RC3H1: variants seen among roughly 807,000 people sequenced by gnomAD.
RC3H1 encodes ring finger and CCCH-type domains 1.
In RC3H1, 50 loss-of-function variants were observed where a neutral mutation model predicts 138.2. The ratio of observed to expected loss-of-function variants is 0.36; its 90% CI spans 0.29 to 0.46. RC3H1 has a LOEUF of 0.46. RC3H1 is among the 20% of genes least tolerant of loss of function. The pLI, the probability that RC3H1 is intolerant of heterozygous loss-of-function variation, is 1.00. For missense variants in RC3H1, 1,031 were observed against 1,388.1 expected (o/e 0.74, Z 4.09); for synonymous variants, 462 against 489.1 (o/e 0.94, Z 0.73).
intron 1 of RC3H1, among the ~76,000 whole-genome samples, chr1:173,994,162 C>T (rs1049254584): frequency 6.6e-6 from 1 of 151,496 alleles, no homozygotes; most frequent in South Asian, 2.1e-4. Context: ...GAGGCTGAGG[C>T]GGGTGGGTCA....
At chr1:174,017,004 AC>A (rs1202215808) in intron 1 of RC3H1, among the ~76,000 whole-genome samples, 1 of 152,230 alleles carries the variant, frequency 6.6e-6, no homozygotes, top group East Asian at 1.9e-4. Flanking sequence ...CACTTATTCA[AC>A]AAGGGATTAA....
chr1:174,020,958 G>A lies in RC3H1; in HGVS notation c.-151+1138C>T, dbSNP rs142567136. 7.5e-3 allele frequency among the ~76,000 whole-genome samples: 1,145 copies of A among 152,264 alleles called. 17 individuals carry two copies. Among genetic ancestry groups the A allele is most frequent in the African/African-American group, 0.027 (1,103 of 41,538 alleles). On this transcript the variant is annotated intron_variant, in intron 1 of 19. Coordinates refer to ENST00000367696, the MANE Select transcript of RC3H1 (RefSeq NM_172071.4). ...CGGGAGGTGGAGGCTGTAGTGAGCC[G>A]AGATTGTGCCACTGCAATCCAGCCT...
chr1:174,016,628 T>C (rs998234387), intron 1 of RC3H1, among the ~76,000 whole-genome samples: 3 of 151,590 alleles, frequency 2.0e-5, no homozygotes, highest in Non-Finnish European at 4.4e-5. Context: ...GGGAGATTAA[T>C]AACAAAATTT....
At position 173,965,076 on chromosome 1, in the gene RC3H1, C is replaced by T. The variant is rs1557932474; in HGVS notation, c.1379G>A (p.Ser460Asn). 3 of 1,614,062 alleles carry T rather than the reference C, an allele frequency of 1.9e-6. No homozygotes were observed. Among genetic ancestry groups the T allele is most frequent in the African/African-American group, 1.3e-5 (1 of 74,946 alleles). ...NKRLVPRRPL[S>N]ASLGQLNEVG... ...CTCATTAAGTTGACCCAAAGAGGCACTCAAGGGTCTTCTCGGAACCAGGCG... is the reference window on the plus strand; with the variant it reads ...CTCATTAAGTTGACCCAAAGAGGCATTCAAGGGTCTTCTCGGAACCAGGCG... Residue 460 changes from serine (S) to asparagine (N), a missense_variant, in exon 10 of 20, where the codon AGT becomes AAT. This residue lies in a region of RC3H1 where 716 missense variants were observed against 837.9 expected (regional missense o/e 0.85). Coordinates refer to ENST00000367696, the MANE Select transcript of RC3H1 (RefSeq NM_172071.4).
rs1054286514 is a variant in RC3H1 at position 173,983,553 on chromosome 1, G to A, written c.457C>T (p.Arg153Cys). 1.9e-6 allele frequency: 3 copies of A among 1,614,174 alleles called. No homozygotes were observed. Among genetic ancestry groups the A allele is most frequent in the Non-Finnish European group, 1.7e-6 (2 of 1,180,040 alleles). The change falls in exon 4 of 20, where the codon CGT becomes TGT. Residue 153 changes from arginine to cysteine, a missense_variant. Physicochemically the swap from Arg to Cys is radical, Grantham distance 180 (BLOSUM62 -3). Transcript: ENST00000367696. Reference protein sequence around the residue: ...CQLVEEEGRIRAMRAARSLGE... With the variant: ...CQLVEEEGRICAMRAARSLGE... ...AAAGATCGAGCTGCCCTCATGGCAC[G>A]AATCCTGCCTTCTTCTTCTACTAGT... is the stretch of plus-strand genomic sequence containing the variant.
At chr1:173,975,692 A>T (rs2102986416) in intron 7 of RC3H1, among the ~76,000 whole-genome samples, 1 of 61,718 alleles carries the variant, frequency 1.6e-5, no homozygotes. Context: ...AGGTCAGGAG[A>T]TCGAGACCAT....
intron 8 of RC3H1, among the ~76,000 whole-genome samples, chr1:173,971,188 C>G (rs1660346260): frequency 6.6e-6 from 1 of 152,028 alleles, no homozygotes; most frequent in East Asian, 1.9e-4. Flanking sequence ...TCTCAAACTC[C>G]TGACCTCAAA....
At chr1:174,017,509 T>C (rs932458769) in intron 1 of RC3H1, among the ~76,000 whole-genome samples, 1 of 152,134 alleles carries the variant, frequency 6.6e-6, no homozygotes, top group African/African-American at 2.4e-5. Context: ...TTCCTCGATG[T>C]TGGCTCAAAT....
intron 12 of RC3H1, 78 bp downstream of exon 12, chr1:173,961,647 G>A: frequency 7.7e-7 from 1 of 1,303,926 alleles, no homozygotes; most frequent in Non-Finnish European, 1.1e-6. Context: ...AAGGGTTATT[G>A]TCATTGCATA....
intron 1 of RC3H1, among the ~76,000 whole-genome samples, chr1:174,017,726 A>G (rs1661884424): frequency 2.0e-5 from 3 of 149,942 alleles, no homozygotes; most frequent in Admixed American, 2.0e-4. Flanking sequence ...AACCTCAATA[A>G]AAAAAATTAT....
chr1:174,008,143 G>A (rs1278702396), intron 1 of RC3H1, among the ~76,000 whole-genome samples: 1 of 152,144 alleles, frequency 6.6e-6, no homozygotes, highest in Non-Finnish European at 1.5e-5. Context: ...GAAACATGTA[G>A]ATGTATTCAC....
At chr1:173,974,501 A>G (rs1660492447) in intron 7 of RC3H1, among the ~76,000 whole-genome samples, 1 of 152,166 alleles carries the variant, frequency 6.6e-6, no homozygotes, top group Non-Finnish European at 1.5e-5. Flanking sequence ...AGGCCCTATA[A>G]TCAAAGAATA....
At chr1:173,954,473 G>A (rs971826950) in intron 13 of RC3H1, among the ~76,000 whole-genome samples, 15 of 152,256 alleles carry the variant, frequency 9.9e-5, no homozygotes, top group African/African-American at 3.6e-4. Context: ...CAAAATTATA[G>A]CTACACAGGA....
intron 1 of RC3H1, among the ~76,000 whole-genome samples, chr1:174,005,950 A>G (rs772957922): frequency 6.6e-6 from 1 of 152,204 alleles, no homozygotes; most frequent in Non-Finnish European, 1.5e-5. Context: ...TCATGCCTGT[A>G]ATCCCAGCAC....
At chr1:173,989,683 G>A (rs929997413) in intron 2 of RC3H1, among the ~76,000 whole-genome samples, 2 of 138,522 alleles carry the variant, frequency 1.4e-5, no homozygotes, top group Non-Finnish European at 3.1e-5. Context: ...GATCCATTTT[G>A]AGTTAATAGA....
At chr1:173,957,231 AT>A (rs1659687956) in intron 13 of RC3H1, among the ~76,000 whole-genome samples, 1 of 152,182 alleles carries the variant, frequency 6.6e-6, no homozygotes, top group African/African-American at 2.4e-5. Context: ...ATAAATATGA[AT>A]TATTTACTGA....
intron 1 of RC3H1, among the ~76,000 whole-genome samples, chr1:173,999,526 C>T (rs920366620): frequency 1.3e-4 from 20 of 152,196 alleles, no homozygotes; most frequent in African/African-American, 4.6e-4. Context: ...CAAATGTATG[C>T]CTCTGCAAAA....
intron 8 of RC3H1, 33 bp from the exon 9 acceptor site, chr1:173,970,650 T>C (rs764410904): frequency 3.0e-6 from 4 of 1,351,964 alleles, no homozygotes; most frequent in Non-Finnish European, 3.1e-6. Flanking sequence ...AGATGTGTAA[T>C]AACCCCCCAC....
chr1:173,956,812 T>C (rs12058585), intron 13 of RC3H1, among the ~76,000 whole-genome samples: 43,819 of 151,940 alleles, frequency 0.29, 11,287 homozygotes, highest in African/African-American at 0.7. Context: ...ACATAATAAA[T>C]GGTTATAGAA....
Sources: allele counts gnomAD v4.1 joint callset (sites outside exome capture counted in the v4.1 genomes callset), GRCh38; gene constraint gnomAD v4.1.1; regional missense constraint gnomAD v4.1.1; transcripts MANE v1.5; gene names NCBI Gene and HGNC (gene_info 2026-07-23, HGNC 2026-07-21).